Variants in AFG1L observed in about 807,000 individuals in gnomAD.
AFG1L encodes the protein AFG1-like ATPase.
In AFG1L, 53 loss-of-function variants were observed where a neutral mutation model predicts 62.2. The ratio of observed to expected loss-of-function variants is 0.85; its 90% CI spans 0.68 to 1.07. The LOEUF (loss-of-function observed/expected upper bound fraction) is 1.07, where lower values mean the gene tolerates loss of function less well. AFG1L is among the 50% of genes least tolerant of loss of function. The pLI is 0.00. For missense variants in AFG1L, 555 were observed against 590.5 expected, an observed-to-expected ratio of 0.94 and a Z score of 0.62; for synonymous variants, 228 against 210.3, an observed-to-expected ratio of 1.08 and a Z score of -0.73.
At chr6:108,345,085 A>C (rs1036856375) in intron 2 of AFG1L, among the ~76,000 whole-genome samples, 1 of 152,152 alleles carries the variant, frequency 6.6e-6, no homozygotes, top group Non-Finnish European at 1.5e-5. Context: ...TGAAAGGACA[A>C]TTTTCCATTT....
intron 6 of AFG1L, among the ~76,000 whole-genome samples, chr6:108,369,943 GCTGGCTAT>G (rs1232588214): frequency 0.015 from 952 of 62,428 alleles, 7 homozygotes; most frequent in African/African-American, 0.038. Context: ...TGGCTGGCTG[GCTGGCTAT>G]CTATCTATCT....
chr6:108,448,329 AT>A (rs1771897540), intron 8 of AFG1L, among the ~76,000 whole-genome samples: 1 of 151,858 alleles, frequency 6.6e-6, no homozygotes, highest in Admixed American at 6.6e-5. Context: ...AGTTTCTTTT[AT>A]GTTTGTGTTT....
chr6:108,520,506 G>A (rs991684896), intron 12 of AFG1L: 7 of 152,000 alleles, frequency 4.6e-5, no homozygotes, highest in Admixed American at 3.9e-4. Flanking sequence ...CTCAACTATC[G>A]ACAACTGAAA....
chr6:108,496,006 C>T (rs1482015248), intron 10 of AFG1L, among the ~76,000 whole-genome samples: 1 of 152,114 alleles, frequency 6.6e-6, no homozygotes, highest in Non-Finnish European at 1.5e-5. Flanking sequence ...ATAACATACT[C>T]AAGGATGCTA....
intron 12 of AFG1L, chr6:108,521,725 A>G (rs1479376491): frequency 2.6e-5 from 4 of 152,418 alleles, no homozygotes; most frequent in African/African-American, 7.2e-5. Flanking sequence ...TGGTATCACC[A>G]GTCTGGGGTT....
At chr6:108,318,481 T>G (rs1281870162) in intron 1 of AFG1L, 1 of 166,606 alleles carries the variant, frequency 6.0e-6, no homozygotes, top group Non-Finnish European at 1.3e-5. Context: ...TTGGAGAAAA[T>G]AAAAGTAATT....
At chr6:108,439,980 C>CA (rs1383173001) in intron 7 of AFG1L, among the ~76,000 whole-genome samples, 1 of 151,926 alleles carries the variant, frequency 6.6e-6, no homozygotes, top group African/African-American at 2.4e-5. Context: ...TTTAAGATAT[C>CA]AAAAAAATTA....
At chr6:108,513,521 A>G (rs1274144946) in intron 11 of AFG1L, among the ~76,000 whole-genome samples, 1 of 152,200 alleles carries the variant, frequency 6.6e-6, no homozygotes, top group African/African-American at 2.4e-5. Context: ...CATTGCTAGC[A>G]TAGCAGTCTG....
At chr6:108,432,787 C>A (rs1771133106) in intron 7 of AFG1L, among the ~76,000 whole-genome samples, 1 of 152,194 alleles carries the variant, frequency 6.6e-6, no homozygotes, top group Admixed American at 6.5e-5. Flanking sequence ...ATCAGCCAAC[C>A]AAATCCTCCT....
rs1299439794 is a variant in AFG1L, at chr6:108,364,040, T to C, written c.649-2193T>C. 2.0e-5 allele frequency among the ~76,000 whole-genome samples: 3 copies of C among 152,196 alleles called. No homozygotes were observed. The East Asian group carries it at 5.8e-4, about 29-fold the overall frequency. Reference sequence around the variant, plus strand: ...CTCTAGGTTATAAAAAAATCTTTTCTCTTTAATGCTAATGAAATGTCTCCA... The same window carrying C: ...CTCTAGGTTATAAAAAAATCTTTTCCCTTTAATGCTAATGAAATGTCTCCA... On this transcript the variant is annotated intron_variant, in intron 5 of 12. Transcript: ENST00000368977.
intron 1 of AFG1L, among the ~76,000 whole-genome samples, chr6:108,321,309 G>C (rs72936747): frequency 0.047 from 7,108 of 152,238 alleles, 270 homozygotes; most frequent in South Asian, 0.18. Flanking sequence ...AATTCAGGGA[G>C]CCCAGTAGAA....
chr6:108,444,350 T>G (rs942067494), intron 7 of AFG1L, among the ~76,000 whole-genome samples: 3 of 152,196 alleles, frequency 2.0e-5, no homozygotes, highest in African/African-American at 7.2e-5. Flanking sequence ...TGGTCATCTT[T>G]TTGCTGGTCT....
At chr6:108,471,468 C>CTT (rs56375345) in intron 8 of AFG1L, among the ~76,000 whole-genome samples, 35 of 100,192 alleles carry the variant, frequency 3.5e-4, no homozygotes, top group Non-Finnish European at 5.5e-4. Context: ...TGTTCTTCTT[C>CTT]TTTTTTTTTT....
intron 4 of AFG1L, among the ~76,000 whole-genome samples, chr6:108,356,316 C>T (rs1713299773): frequency 6.6e-6 from 1 of 152,166 alleles, no homozygotes; most frequent in Non-Finnish European, 1.5e-5. Context: ...ATTTCGATTG[C>T]ATATGCTAGA....
chr6:108,372,248 G>A (rs1418757320), intron 6 of AFG1L, among the ~76,000 whole-genome samples: 2 of 150,632 alleles, frequency 1.3e-5, no homozygotes, highest in Non-Finnish European at 1.5e-5. Flanking sequence ...TTTTTGCTAG[G>A]AAAAGATTTT....
intron 2 of AFG1L, among the ~76,000 whole-genome samples, chr6:108,346,325 C>G (rs949789597): frequency 2.0e-5 from 3 of 151,972 alleles, no homozygotes; most frequent in African/African-American, 7.2e-5. Flanking sequence ...AATAATTCCC[C>G]ATTCCTTCCT....
chr6:108,419,322 A>G (rs1770482776), intron 7 of AFG1L, among the ~76,000 whole-genome samples: 1 of 152,178 alleles, frequency 6.6e-6, no homozygotes, highest in African/African-American at 2.4e-5. Context: ...ACAGCTTAGC[A>G]TGCTATCTTC....
At chr6:108,409,067 C>T (rs1014515988) in intron 7 of AFG1L, among the ~76,000 whole-genome samples, 6 of 152,016 alleles carry the variant, frequency 3.9e-5, no homozygotes, top group African/African-American at 4.8e-5. Flanking sequence ...TTACAGATAA[C>T]GTGAGTGGAA....
chr6:108,295,185 C>T lies in AFG1L; in HGVS notation c.106C>T (p.Leu36=). The T allele has an allele frequency of 1.2e-6, 2 of 1,607,034 alleles. No individual in the cohort carries two copies. Among genetic ancestry groups the T allele is most frequent in the Non-Finnish European group, 1.7e-6 (2 of 1,179,880 alleles). Residue 36 remains leucine (L), a synonymous_variant, in exon 1 of 13, where the codon CTG becomes TTG. Coordinates refer to ENST00000368977, the MANE Select transcript of AFG1L (RefSeq NM_145315.5). ...CGAWAAALAP[L]ATAPGKPFWK... ...GGCCTGGGCCGCCGCTCTCGCTCCT[C>T]TGGCCACCGCCCCTGGGAAGCCCTT...
Sources: gnomAD v4.1 joint callset for allele counts (sites outside exome capture counted in the v4.1 genomes callset) on GRCh38, gnomAD v4.1.1 for gene constraint, MANE v1.5 for transcripts, NCBI Gene and HGNC (gene_info 2026-07-23, HGNC 2026-07-21) for gene names.